Variants in UBN1 observed in about 807,000 individuals in gnomAD.
UBN1 encodes ubinuclein-1.
UBN1 carries 17 observed loss-of-function variants against 108.5 expected under a neutral mutation model. The observed-to-expected ratio is 0.16, with a 90% confidence interval of 0.11 to 0.24. UBN1 has a LOEUF of 0.24. UBN1 is among the 10% of genes least tolerant of loss of function. The pLI is 1.00. For missense variants in UBN1, 1,595 were observed against 1,394.4 expected (o/e 1.14, Z -2.29); for synonymous variants, 726 against 564.2 (o/e 1.29, Z -4.07).
At chr16:4,857,077 C>T (rs567030477) in intron 2 of UBN1, among the ~76,000 whole-genome samples, 1 of 152,186 alleles carries the variant, frequency 6.6e-6, no homozygotes, top group African/African-American at 2.4e-5. Context: ...TGTGGTGGCT[C>T]TCGCCTGTAA....
In UBN1 at chr16:4,858,049, C is replaced by G. The variant is rs1263364531; in HGVS notation, c.309C>G (p.Ala103=). The change falls in exon 3 of 18, where the codon GCC becomes GCG. Residue 103 remains alanine, a synonymous_variant. Transcript: ENST00000262376. ...DEEKERHKVE[A]LARKFEEKYG... ...AAAAGGAAAGGCATAAAGTAGAGGC[C>G]CTTGCCCGAAAATTTGAAGAAAAAT... 4 of 1,613,128 alleles carry G rather than the reference C, an allele frequency of 2.5e-6. No homozygotes were observed. The highest frequency in any genetic ancestry group is 3.4e-6 in the Non-Finnish European group (4 of 1,179,662).
At chr16:4,858,308 C>A (rs2086902136) in intron 3 of UBN1, among the ~76,000 whole-genome samples, 1 of 152,126 alleles carries the variant, frequency 6.6e-6, no homozygotes, top group Non-Finnish European at 1.5e-5. Context: ...CTGTGGTCGC[C>A]TTAGAAGAAA....
chr16:4,880,341 G>A lies in UBN1; in HGVS notation c.*209G>A. ...GCTCAGGAGGTGCAGACTGCCCCGT[G>A]CTCTGGGCCTTGCAGCTCTGTCGCT... On this transcript the variant is annotated 3_prime_UTR_variant, in exon 18 of 18. Transcript: ENST00000262376. The A allele has an allele frequency of 1.8e-6, 1 of 570,258 alleles. No individual in the cohort carries two copies. The highest frequency in any genetic ancestry group is 3.1e-6 in the Non-Finnish European group (1 of 317,630). 35.3% of individuals were successfully genotyped at this position (570,258 alleles called of 1,614,324 possible).
At position 4,870,334 on chromosome 16, in the gene UBN1, A is replaced by T. The variant is rs35103368; in HGVS notation, c.1304A>T (p.Tyr435Phe). ...AAGCGTGCTCGGAAACTTCACCTCT[A>T]TGAACAGGTGGGTGACTCTAGAGTG... ...LLKRARKLHLYEQGGRLKEPL... is the reference protein window; with the variant it reads ...LLKRARKLHLFEQGGRLKEPL... The change falls in exon 9 of 18, where the codon TAT (tyrosine) becomes TTT (phenylalanine). Residue 435 changes from tyrosine (Y) to phenylalanine (F), a missense_variant. Coordinates refer to ENST00000262376, the MANE Select transcript of UBN1 (RefSeq NM_001079514.3). The T allele has an allele frequency of 6.2e-7, 1 of 1,614,034 alleles. No homozygotes were observed. The highest frequency in any genetic ancestry group is 8.5e-7 in the Non-Finnish European group (1 of 1,179,962).
Position 4,880,759 on chromosome 16 carries a change from A to T in UBN1, c.*627A>T, listed in dbSNP as rs941171599. ...AGAAAAGACCTTTGTAGATTCAACAATTATGATAGGATTTTTACAGACACC... is the reference window on the plus strand; with the variant it reads ...AGAAAAGACCTTTGTAGATTCAACATTTATGATAGGATTTTTACAGACACC... On this transcript the variant is annotated 3_prime_UTR_variant, in exon 18 of 18. Coordinates refer to ENST00000262376, the MANE Select transcript of UBN1 (RefSeq NM_001079514.3). 1 of 152,538 alleles carries T rather than the reference A, an allele frequency of 6.6e-6. No individual in the cohort carries two copies. Among genetic ancestry groups the T allele is most frequent in the Admixed American group, 6.5e-5 (1 of 15,314 alleles). The allele number at this position is 152,538 out of a possible 1,614,324, so 9.4% of individuals were successfully genotyped here.
In UBN1 at chr16:4,882,324, T is replaced by TAAAGC. The variant is rs1462048572; in HGVS notation, c.*2195_*2199dup. The TAAAGC allele has an allele frequency of 6.5e-6, 1 of 152,678 alleles. No homozygotes were observed. The highest frequency in any genetic ancestry group is 1.9e-4 in the East Asian group (1 of 5,198). The allele number at this position is 152,678 out of a possible 1,614,324, so 9.5% of individuals were successfully genotyped here. A position where few individuals can be genotyped will look rare whatever the true frequency, so the allele number is the denominator to read the frequency against. The stretch of plus-strand genomic sequence containing the variant: ...TGGTGTGGAGATTGTTAATCTTGTA[T>TAAAGC]AAAGCAATTCAATAAATTGTTTCAA... On this transcript the variant is annotated 3_prime_UTR_variant, in exon 18 of 18. Coordinates refer to ENST00000262376, the MANE Select transcript of UBN1 (RefSeq NM_001079514.3).
At chr16:4,850,795 T>C (rs1348085277) in intron 1 of UBN1, among the ~76,000 whole-genome samples, 2 of 152,264 alleles carry the variant, frequency 1.3e-5, no homozygotes, top group Non-Finnish European at 2.9e-5. Flanking sequence ...ATATACGATA[T>C]ATGCTAATTT....
rs1445659459 is a variant in UBN1 at position 4,881,388 on chromosome 16, C to T, written c.*1256C>T. The T allele has an allele frequency of 1.3e-5, 2 of 152,234 alleles. No individual in the cohort carries two copies. The highest frequency in any genetic ancestry group is 2.1e-4 in the South Asian group (1 of 4,824). The allele number at this position is 152,234 out of a possible 1,614,324, so 9.4% of individuals were successfully genotyped here. A position where few individuals can be genotyped will look rare whatever the true frequency, so the allele number is the denominator to read the frequency against. On this transcript the variant is annotated 3_prime_UTR_variant, in exon 18 of 18. Transcript: ENST00000262376. ...GACAGTTACTGCAGAGCTCCTAAGT[C>T]ACCACTCAACCAGTGGCTGTTTCAC...
rs550640434 is a variant in UBN1, at chr16:4,854,676, A to AT, written c.249+1514dup. ...TCACCGCACCTGGCCGTGTTTTTGT[A>AT]TTTTATGTAGATGGAATTGTATGGT... On this transcript the variant is annotated intron_variant, in intron 2 of 17. Coordinates refer to ENST00000262376, the MANE Select transcript of UBN1 (RefSeq NM_001079514.3). 2.2e-3 allele frequency among the ~76,000 whole-genome samples: 336 copies of AT among 150,136 alleles called. 2 individuals are homozygous for AT. The highest frequency in any genetic ancestry group is 7.9e-3 in the African/African-American group (321 of 40,722).
In UBN1 at chr16:4,877,278, G is replaced by T. The variant is rs1468052430; in HGVS notation, c.3266-107G>T. 5.2e-6 allele frequency: 8 copies of T among 1,525,802 alleles called. No homozygotes were observed. Among genetic ancestry groups the T allele is most frequent in the South Asian group, 1.3e-5 (1 of 79,606 alleles). 94.5% of individuals were successfully genotyped at this position (1,525,802 alleles called of 1,614,324 possible). On this transcript the variant is annotated intron_variant, in intron 16 of 17. Coordinates refer to ENST00000262376, the MANE Select transcript of UBN1 (RefSeq NM_001079514.3). The surrounding 1 kb of genome is among the most constrained non-coding windows in gnomAD (Gnocchi z 4.3). The stretch of plus-strand genomic sequence containing the variant: ...ACTGCCCCTTTGGGTGTGGTGCCCA[G>T]ACTGGCCTGGCAGGTTATCGGGGGC...
chr16:4,859,749 A>G (rs112064295), intron 5 of UBN1, 116 bp from the exon 6 acceptor site: 13 of 1,491,500 alleles, frequency 8.7e-6, no homozygotes, highest in Non-Finnish European at 1.1e-5. Flanking sequence ...TTTGTTCATG[A>G]AGGAAATGAG....
chr16:4,875,962 CTTT>C (rs35899089), intron 15 of UBN1, among the ~76,000 whole-genome samples: 3 of 141,204 alleles, frequency 2.1e-5, no homozygotes, highest in South Asian at 2.2e-4. Flanking sequence ...TTCTTTTTTT[CTTT>C]TTTTTTTTTT....
At chr16:4,873,987 G>T (rs1044829780) in intron 14 of UBN1, among the ~76,000 whole-genome samples, 2 of 152,178 alleles carry the variant, frequency 1.3e-5, no homozygotes, top group African/African-American at 2.4e-5. Flanking sequence ...AAGCATGCCG[G>T]GGTAAACCCA....
At chr16:4,878,887 C>G (rs1028400850) in intron 17 of UBN1, among the ~76,000 whole-genome samples, 2 of 152,212 alleles carry the variant, frequency 1.3e-5, no homozygotes, top group East Asian at 1.9e-4. Context: ...TGGCATGTGC[C>G]TGTAGTCCCA....
chr16:4,848,958 G>A (rs1254387830), intron 1 of UBN1, among the ~76,000 whole-genome samples: 3 of 152,058 alleles, frequency 2.0e-5, no homozygotes, highest in African/African-American at 7.2e-5. Flanking sequence ...AAAATTAGCC[G>A]GGCGTGGTGG....
rs779013721 is a variant in UBN1 at position 4,859,979 on chromosome 16, G to A, written c.671+11G>A. On this transcript the variant is annotated intron_variant, in intron 6 of 17. Transcript: ENST00000262376. ...GTTTTCCAAAGCCGGGTGAGAGGCA[G>A]CAGCTTCTTTGCTAGGATAAAGCCT... 1.9e-6 allele frequency: 3 copies of A among 1,613,992 alleles called. No homozygotes were observed. The highest frequency in any genetic ancestry group is 1.7e-6 in the Non-Finnish European group (2 of 1,179,916).
At chr16:4,850,213 A>T (rs1403069623) in intron 1 of UBN1, among the ~76,000 whole-genome samples, 1 of 152,228 alleles carries the variant, frequency 6.6e-6, no homozygotes, top group Admixed American at 6.5e-5. Flanking sequence ...CTAAGTGGTA[A>T]TAGAGTACAG....
At chr16:4,860,147 A>C (rs557103605) in intron 6 of UBN1, among the ~76,000 whole-genome samples, 179 bp downstream of exon 6, 1 of 152,296 alleles carries the variant, frequency 6.6e-6, no homozygotes, top group African/African-American at 2.4e-5. Flanking sequence ...TCAGTGTGTC[A>C]GATAGTTCCA....
At chr16:4,848,300 C>T (rs1484541396) in intron 1 of UBN1, 90 bp downstream of exon 1, 1 of 152,260 alleles carries the variant, frequency 6.6e-6, no homozygotes, top group Non-Finnish European at 1.5e-5. Context: ...AAGACAGATG[C>T]CGGGCGTAGT....
Sources: gnomAD v4.1 joint callset for allele counts (sites outside exome capture counted in the v4.1 genomes callset) on GRCh38, gnomAD v4.1.1 for gene constraint, Gnocchi (gnomAD v3.1) non-coding constraint, MANE v1.5 for transcripts, NCBI Gene and HGNC (gene_info 2026-07-23, HGNC 2026-07-21) for gene names.